Variants in MICAL1 observed in about 807,000 individuals in gnomAD.
The protein encoded by MICAL1 is microtubule associated monooxygenase, calponin and LIM domain containing 1.
In MICAL1, 95 loss-of-function variants were observed where a neutral mutation model predicts 131.8. That is an observed-to-expected ratio of 0.72 (90% CI 0.61 to 0.86). The LOEUF is 0.86. Among genes scored for constraint, MICAL1 ranks in the 40% least tolerant of loss-of-function variants. MICAL1 has a pLI of 0.00. For synonymous variants in MICAL1, 546 were observed against 554.2 expected (o/e 0.99, Z 0.21); for missense variants, 1,292 against 1,380.6 (o/e 0.94, Z 1.02).
At position 109,444,725 on chromosome 6, in the gene MICAL1, C is replaced by G; in HGVS notation, c.3055G>C (p.Glu1019Gln). Residue 1019 changes from glutamate to glutamine, a missense_variant and splice_region_variant, in exon 24 of 25, where the codon GAA (glutamate) becomes CAA (glutamine). Glu to Gln is a conservative substitution (Grantham distance 29, BLOSUM62 2). Coordinates refer to ENST00000358807, the MANE Select transcript of MICAL1 (RefSeq NM_022765.4). Reference sequence around the variant, plus strand: ...CTGCTTCTCCCCACATTTCACCTACCTTCCCGGTTCATGTAGCCTCGTAGC... The same window carrying G: ...CTGCTTCTCCCCACATTTCACCTACGTTCCCGGTTCATGTAGCCTCGTAGC... ...QELRGYMNREENLKTAADRQA... is the reference protein window; with the variant it reads ...QELRGYMNREQNLKTAADRQA... 6.2e-7 allele frequency: 1 copy of G among 1,614,098 alleles called. No individual in the cohort carries two copies. Among genetic ancestry groups the G allele is most frequent in the South Asian group, 1.1e-5 (1 of 91,084 alleles).
chr6:109,448,490 C>G, intron 12 of MICAL1, 97 bp from the exon 13 acceptor site: 1 of 1,430,224 alleles, frequency 7.0e-7, no homozygotes, highest in African/African-American at 1.4e-5. Context: ...CAAGCAGCAG[C>G]TGGGGTACAA....
chr6:109,450,042 G>A lies in MICAL1; in HGVS notation c.1235C>T (p.Ala412Val). Residue 412 changes from alanine (A) to valine (V), a missense_variant, in exon 9 of 25, where the codon GCA becomes GTA. Transcript: ENST00000358807. Reference protein sequence around the residue: ...LGTGVARGFLAAFDAAWMVKR... With the variant: ...LGTGVARGFLVAFDAAWMVKR... The stretch of plus-strand genomic sequence containing the variant: ...CACCATCCAGGCTGCATCAAAGGCT[G>A]CCAGGAAGCCCCGTGCCACTCCAGT... The A allele has an allele frequency of 6.2e-7, 1 of 1,614,132 alleles. No individual in the cohort carries two copies. The highest frequency in any genetic ancestry group is 2.2e-5 in the East Asian group (1 of 44,878).
At chr6:109,456,871 GC>G (rs1775765935), upstream of MICAL1, among the ~76,000 whole-genome samples, 1 of 152,152 alleles carries the variant, frequency 6.6e-6, no homozygotes, top group South Asian at 2.1e-4. Flanking sequence ...CTGTTTGGGG[GC>G]CCAGGTCTGT....
intron 24 of MICAL1, 148 bp downstream of exon 24, chr6:109,444,577 G>A: frequency 9.4e-7 from 1 of 1,059,732 alleles, no homozygotes; most frequent in South Asian, 1.4e-5. Context: ...GTGAGAAGGG[G>A]CTTTGGAGCC....
At chr6:109,451,496 G>A in intron 7 of MICAL1, 104 bp downstream of exon 7, 3 of 1,370,148 alleles carry the variant, frequency 2.2e-6, no homozygotes, top group Non-Finnish European at 3.0e-6. Context: ...GACAAAGGCA[G>A]GAGAGGACGG....
intron 12 of MICAL1, 163 bp from the exon 13 acceptor site, chr6:109,448,556 C>G: frequency 8.0e-7 from 1 of 1,251,976 alleles, no homozygotes; most frequent in South Asian, 1.3e-5. Flanking sequence ...CCCAGTGACA[C>G]TACTCCTGGC....
upstream of MICAL1, chr6:109,455,895 G>T: frequency 3.8e-5 from 37 of 985,514 alleles, no homozygotes; most frequent in Non-Finnish European, 4.5e-5. This position sits in a 1 kb window ranked among gnomAD's most constrained non-coding sequence, Gnocchi z 4.7. Context: ...CTTCCGCGAG[G>T]GGCGCGGGGC....
intron 14 of MICAL1, 55 bp downstream of exon 14, chr6:109,447,820 G>A: frequency 6.2e-7 from 1 of 1,610,734 alleles, no homozygotes; most frequent in African/African-American, 1.3e-5. Context: ...TCTCCACTGG[G>A]TACCCCCCTG....
At chr6:109,445,624 G>C in intron 20 of MICAL1, 95 bp from the exon 21 acceptor site, 3 of 1,529,456 alleles carry the variant, frequency 2.0e-6, no homozygotes, top group East Asian at 2.3e-5. Flanking sequence ...GTGCTGAAGT[G>C]GGGTAAGCTC....
upstream of MICAL1, among the ~76,000 whole-genome samples, chr6:109,456,442 G>A (rs1775750149): frequency 6.6e-6 from 1 of 152,216 alleles, no homozygotes; most frequent in South Asian, 2.1e-4. Context: ...CAAAGGGCGC[G>A]GATTAAAGTC....
rs763955310 is a variant in MICAL1, at chr6:109,444,921, C to T, written c.2956G>A (p.Ala986Thr). The T allele has an allele frequency of 5.6e-6, 9 of 1,614,074 alleles. No individual in the cohort carries two copies. The highest frequency in any genetic ancestry group is 7.6e-6 in the Non-Finnish European group (9 of 1,180,042). ...QLVDKKNSLVAEEAELMITVQ... is the reference protein window; with the variant it reads ...QLVDKKNSLVTEEAELMITVQ... ...GTGATCATGAGCTCGGCCTCCTCAG[C>T]CACCAGGCTGTTTTTCTTGTCAACG... is the stretch of plus-strand genomic sequence containing the variant. Residue 986 changes from alanine (A) to threonine (T), a missense_variant, in exon 23 of 25, where the codon GCT becomes ACT. Coordinates refer to ENST00000358807, the MANE Select transcript of MICAL1 (RefSeq NM_022765.4).
upstream of MICAL1, among the ~76,000 whole-genome samples, chr6:109,460,766 G>C (rs1342982990): frequency 6.6e-6 from 1 of 151,900 alleles, no homozygotes; most frequent in Non-Finnish European, 1.5e-5. Context: ...AAGAGTTTAG[G>C]CTTAAGTTTA....
intron 7 of MICAL1, 115 bp downstream of exon 7, chr6:109,451,485 G>A (rs1264555413): frequency 1.6e-6 from 2 of 1,263,674 alleles, no homozygotes; most frequent in African/African-American, 1.5e-5. Context: ...GTTAATGCCA[G>A]GACAAAGGCA....
chr6:109,449,513 G>A (rs781069402), intron 10 of MICAL1, 32 bp from the exon 11 acceptor site: 6 of 1,613,598 alleles, frequency 3.7e-6, no homozygotes, highest in Middle Eastern at 1.6e-4. Context: ...CTCAAGGCAG[G>A]CTGGCCACAC....
intron 13 of MICAL1, 25 bp downstream of exon 13, chr6:109,448,178 C>T (rs1326452867): frequency 1.3e-6 from 2 of 1,540,992 alleles, no homozygotes; most frequent in East Asian, 4.7e-5. Flanking sequence ...TCCCAGTTAT[C>T]CTGCCCGCCT....
upstream of MICAL1, among the ~76,000 whole-genome samples, chr6:109,458,638 C>T (rs377293096): frequency 7.2e-5 from 11 of 152,208 alleles, no homozygotes; most frequent in African/African-American, 2.2e-4. Flanking sequence ...TTTTTGCAAA[C>T]GGTAAAACCT....
At chr6:109,452,061 G>A in intron 6 of MICAL1, 185 bp downstream of exon 6, 1 of 1,413,306 alleles carries the variant, frequency 7.1e-7, no homozygotes, top group Non-Finnish European at 9.2e-7. Context: ...TTTCATGCTG[G>A]GTGATCAACT....
intron 1 of MICAL1, chr6:109,462,981 CTCAAG>C (rs1401158995): frequency 6.6e-6 from 1 of 152,156 alleles, no homozygotes; most frequent in African/African-American, 2.4e-5. Flanking sequence ...CTTTTGGGTA[CTCAAG>C]TCATTTAACT....
At chr6:109,448,068 C>G in intron 13 of MICAL1, 105 bp from the exon 14 acceptor site, 1 of 1,357,946 alleles carries the variant, frequency 7.4e-7, no homozygotes, top group Admixed American at 2.4e-5. Flanking sequence ...CCCAGGCTGG[C>G]CCTCAGAGGG....
Sources: allele counts gnomAD v4.1 joint callset (sites outside exome capture counted in the v4.1 genomes callset), GRCh38; gene constraint gnomAD v4.1.1; non-coding constraint Gnocchi (gnomAD v3.1); transcripts MANE v1.5; gene names NCBI Gene and HGNC (gene_info 2026-07-23, HGNC 2026-07-21).